The following FAT4 variants were observed in gnomAD, a reference collection of about 807,000 sequenced individuals.
The protein encoded by FAT4 is FAT atypical cadherin 4, also known as protocadherin Fat 4.
A neutral mutation model predicts 303.9 loss-of-function variants in FAT4; 84 were observed. The observed-to-expected ratio is 0.28, with a 90% CI of 0.23 to 0.33. The LOEUF is 0.33. Among genes scored for constraint, FAT4 ranks in the 10% least tolerant of loss-of-function variants. The probability of loss-of-function intolerance (pLI) is 1.00; values close to 1 mark genes in which losing one functional copy is unlikely to be tolerated. For synonymous variants in FAT4, 2,307 were observed against 2,298.8 expected (o/e 1.00, Z -0.10); for missense variants, 6,005 against 6,146.8 (o/e 0.98, Z 0.77).
intron 2 of FAT4, chr4:125,393,871 C>T: frequency 2.7e-6 from 2 of 739,634 alleles, no homozygotes; most frequent in Admixed American, 1.9e-5. Flanking sequence ...TTTCATTTAC[C>T]AGAGTTTTAC....
Position 125,491,889 on chromosome 4 carries a change from A to G in FAT4, c.*121A>G, listed in dbSNP as rs1727664103. ...GCCAGTATGGACTAGTGGTGGAGGG[A>G]AAACTTTAAAAATAATAACCACAAT... is the stretch of plus-strand genomic sequence containing the variant. On this transcript the variant is annotated 3_prime_UTR_variant, in exon 18 of 18. Transcript: ENST00000394329. 6 of 954,740 alleles carry G rather than the reference A, an allele frequency of 6.3e-6. No homozygotes were observed. In the Admixed American group the frequency reaches 1.8e-4, roughly 29 times the overall value. 59.1% of individuals were successfully genotyped at this position (954,740 alleles called of 1,614,324 possible).
chr4:125,454,120 C>G (rs1560619365), intron 10 of FAT4, among the ~76,000 whole-genome samples: 1 of 152,110 alleles, frequency 6.6e-6, no homozygotes, highest in Admixed American at 6.5e-5. Context: ...ATTTACAGTA[C>G]TAGTAGTATA....
chr4:125,423,338 C>T (rs1724972648), intron 7 of FAT4, among the ~76,000 whole-genome samples: 1 of 152,116 alleles, frequency 6.6e-6, no homozygotes, highest in Non-Finnish European at 1.5e-5. Context: ...GGCACCCCTG[C>T]TGTGTAAAAC....
rs1733901456 is a variant in FAT4 at position 125,389,595 on chromosome 4, C to T, written c.5176-9189C>T. ...TTCATTCATGCAGGTGGTAGTGGTC[C>T]TATTAGTTTTCCTTAATAAGTCCCA... On this transcript the variant is annotated intron_variant, in intron 2 of 17. Coordinates refer to ENST00000394329, the MANE Select transcript of FAT4 (RefSeq NM_001291303.3). 2.6e-5 allele frequency among the ~76,000 whole-genome samples: 4 copies of T among 152,184 alleles called. 1 individual carries two copies. The South Asian group carries it at 8.3e-4, about 32-fold the overall frequency.
At chr4:125,461,165 G>A (rs1488011464) in intron 10 of FAT4, among the ~76,000 whole-genome samples, 1 of 151,896 alleles carries the variant, frequency 6.6e-6, no homozygotes, top group Non-Finnish European at 1.5e-5. Flanking sequence ...AACTGCAATA[G>A]CCTGTATTTT....
intron 7 of FAT4, among the ~76,000 whole-genome samples, chr4:125,429,198 T>C (rs1725199411): frequency 1.3e-5 from 2 of 152,216 alleles, no homozygotes; most frequent in East Asian, 3.8e-4. Context: ...TATAAAAGTA[T>C]AGTCCTAGAT....
intron 10 of FAT4, among the ~76,000 whole-genome samples, chr4:125,460,033 A>G (rs1726429196): frequency 6.6e-6 from 1 of 152,050 alleles, no homozygotes; most frequent in Non-Finnish European, 1.5e-5. Context: ...CTTTTCTCAC[A>G]CAAAAGACAC....
chr4:125,434,903 C>T (rs897634535), intron 8 of FAT4, among the ~76,000 whole-genome samples: 1 of 152,114 alleles, frequency 6.6e-6, no homozygotes, highest in African/African-American at 2.4e-5. Flanking sequence ...GTTGGTGGTT[C>T]TCAACTCCAA....
chr4:125,318,470 C>A lies in FAT4; in HGVS notation c.2059C>A (p.Pro687Thr). Residue 687 changes from proline to threonine, a missense_variant, in exon 2 of 18, where the codon CCT (proline) becomes ACT (threonine). Physicochemically the swap from Pro to Thr is conservative, Grantham distance 38 (BLOSUM62 -1). Coordinates refer to ENST00000394329, the MANE Select transcript of FAT4 (RefSeq NM_001291303.3). ...TCTTCTGGATATAAATGATAACAGCCCTGTCTTCTACCCGGTCCAATACTT... is the reference window on the plus strand; with the variant it reads ...TCTTCTGGATATAAATGATAACAGCACTGTCTTCTACCCGGTCCAATACTT... ...VSLLDINDNSPVFYPVQYFAH... is the reference protein window; with the variant it reads ...VSLLDINDNSTVFYPVQYFAH... The A allele has an allele frequency of 1.2e-6, 2 of 1,614,112 alleles. No homozygotes were observed. Among genetic ancestry groups the A allele is most frequent in the Non-Finnish European group, 1.7e-6 (2 of 1,180,038 alleles).
Position 125,451,139 on chromosome 4 carries a change from G to A in FAT4, c.10129G>A (p.Ala3377Thr). 6.2e-7 allele frequency: 1 copy of A among 1,614,116 alleles called. No individual in the cohort carries two copies. The highest frequency in any genetic ancestry group is 8.5e-7 in the Non-Finnish European group (1 of 1,180,024). Residue 3377 changes from alanine to threonine, a missense_variant, in exon 10 of 18, where the codon GCC becomes ACC. By Grantham distance (58) the Ala-to-Thr change is moderately conservative. Coordinates refer to ENST00000394329, the MANE Select transcript of FAT4 (RefSeq NM_001291303.3). ...KEERVSLKVLAKNFGSIRGAD... is the reference protein window; with the variant it reads ...KEERVSLKVLTKNFGSIRGAD... ...AGAAAGGGTGTCTTTGAAGGTATTG[G>A]CCAAGAACTTTGGCAGCATTAGAGG...
chr4:125,441,567 C>A (rs891279590), intron 8 of FAT4, among the ~76,000 whole-genome samples: 2 of 152,168 alleles, frequency 1.3e-5, no homozygotes, highest in East Asian at 1.9e-4. Flanking sequence ...ATAATTATTT[C>A]TTTCCCAGCA....
intron 7 of FAT4, among the ~76,000 whole-genome samples, chr4:125,423,353 G>A (rs62322599): frequency 0.019 from 2,817 of 152,172 alleles, 39 homozygotes; most frequent in Non-Finnish European, 0.029. Flanking sequence ...TAAAACCTAG[G>A]GATGTGGTGC....
Position 125,490,408 on chromosome 4 carries a change from G to T in FAT4, c.13592G>T (p.Cys4531Phe), listed in dbSNP as rs1354220055. The change falls in exon 18 of 18, where the codon TGC becomes TTC. Residue 4531 changes from cysteine to phenylalanine, a missense_variant. By Grantham distance (205) the Cys-to-Phe change is radical. Coordinates refer to ENST00000394329, the MANE Select transcript of FAT4 (RefSeq NM_001291303.3). Reference sequence around the variant, plus strand: ...CTTAGCCTGATCCTGTGTAACCAGTGCAGGGGGAAGAAGGCCAAAAATCCC... The same window carrying T: ...CTTAGCCTGATCCTGTGTAACCAGTTCAGGGGGAAGAAGGCCAAAAATCCC... The part of the protein sequence containing the change: ...LVLSLILCNQ[C>F]RGKKAKNPKE... The T allele has an allele frequency of 6.2e-7, 1 of 1,613,994 alleles. No homozygotes were observed. Among genetic ancestry groups the T allele is most frequent in the African/African-American group, 1.3e-5 (1 of 74,896 alleles).
chr4:125,379,132 T>C (rs940548039), intron 2 of FAT4, among the ~76,000 whole-genome samples: 2 of 152,184 alleles, frequency 1.3e-5, no homozygotes, highest in African/African-American at 4.8e-5. Context: ...CTTTTTAATG[T>C]CTTTGTTTTG....
intron 2 of FAT4, among the ~76,000 whole-genome samples, chr4:125,367,227 T>C (rs894102622): frequency 6.6e-6 from 1 of 152,168 alleles, no homozygotes; most frequent in African/African-American, 2.4e-5. Flanking sequence ...TTATAATTCT[T>C]CCAGGTAAAA....
At position 125,468,507 on chromosome 4, in the gene FAT4, A is replaced by G. The variant is rs749779196; in HGVS notation, c.11906-5A>G. 13 of 1,474,382 alleles carry G rather than the reference A, an allele frequency of 8.8e-6. No individual in the cohort carries two copies. The Admixed American group carries it at 2.6e-4, about 29-fold the overall frequency. The allele number at this position is 1,474,382 out of a possible 1,614,324, so 91.3% of individuals were successfully genotyped here. Reference sequence around the variant, plus strand: ...ATGCCAGTTTGTCAATTTTCCCTCCAACAGGTGTCTTTGGAAAACACTGCG... The same window carrying G: ...ATGCCAGTTTGTCAATTTTCCCTCCGACAGGTGTCTTTGGAAAACACTGCG... On this transcript the variant is annotated splice_region_variant and splice_polypyrimidine_tract_variant and intron_variant, in intron 11 of 17. Coordinates refer to ENST00000394329, the MANE Select transcript of FAT4 (RefSeq NM_001291303.3).
At chr4:125,322,827 A>G (rs1034580520) in intron 2 of FAT4, among the ~76,000 whole-genome samples, 1 of 151,930 alleles carries the variant, frequency 6.6e-6, no homozygotes, top group Non-Finnish European at 1.5e-5. Context: ...TTAAAGGACC[A>G]TATTAATTAG....
In FAT4 at chr4:125,468,635, A is replaced by G. The variant is rs762314581; in HGVS notation, c.12029A>G (p.His4010Arg). Reference protein sequence around the residue: ...IYVKFATIKSHALLLYNYDNQ... With the variant: ...IYVKFATIKSRALLLYNYDNQ... ...GTCAAATTTGCCACGATTAAAAGTCATGCCTTATTGCTTTACAACTATGAC... is the reference window on the plus strand; with the variant it reads ...GTCAAATTTGCCACGATTAAAAGTCGTGCCTTATTGCTTTACAACTATGAC... The change falls in exon 12 of 18, where the codon CAT becomes CGT. Residue 4010 changes from histidine (H) to arginine (R), a missense_variant. By Grantham distance (29) the His-to-Arg change is conservative. Coordinates refer to ENST00000394329, the MANE Select transcript of FAT4 (RefSeq NM_001291303.3). 1 of 1,614,162 alleles carries G rather than the reference A, an allele frequency of 6.2e-7. No individual in the cohort carries two copies. The highest frequency in any genetic ancestry group is 8.5e-7 in the Non-Finnish European group (1 of 1,180,024).
At position 125,491,293 on chromosome 4, in the gene FAT4, C is replaced by T. The variant is rs201175893; in HGVS notation, c.14477C>T (p.Ser4826Phe). The stretch of plus-strand genomic sequence containing the variant: ...GAGGAGGACTGCAGAAGGCCACTGT[C>T]TAGAACAAGGAATCCAGCGGATGGC... ...SSEEDCRRPL[S>F]RTRNPADGIP... The change falls in exon 18 of 18, where the codon TCT (serine) becomes TTT (phenylalanine). Residue 4826 changes from serine to phenylalanine, a missense_variant. Physicochemically the swap from Ser to Phe is radical, Grantham distance 155 (BLOSUM62 -2). Transcript: ENST00000394329. 3 of 1,614,148 alleles carry T rather than the reference C, an allele frequency of 1.9e-6. No homozygotes were observed. Among genetic ancestry groups the T allele is most frequent in the Non-Finnish European group, 2.5e-6 (3 of 1,180,032 alleles).
Sources: allele counts gnomAD v4.1 joint callset (sites outside exome capture counted in the v4.1 genomes callset), GRCh38; gene constraint gnomAD v4.1.1; transcripts MANE v1.5; gene names NCBI Gene and HGNC (gene_info 2026-07-23, HGNC 2026-07-21).